ARHGAP29: variants seen among roughly 807,000 people sequenced by gnomAD.
The protein encoded by ARHGAP29 is Rho GTPase activating protein 29.
ARHGAP29 carries 43 observed loss-of-function variants against 122.6 expected under a neutral mutation model. That is an observed-to-expected ratio of 0.35 (90% CI 0.27 to 0.45). The LOEUF (loss-of-function observed/expected upper bound fraction) is 0.45, where lower values mean the gene tolerates loss of function less well. Among genes scored for constraint, ARHGAP29 ranks in the 20% least tolerant of loss-of-function variants. The pLI is 1.00. For missense variants in ARHGAP29, 1,303 were observed against 1,477.2 expected (o/e 0.88, Z 1.93); for synonymous variants, 506 against 497.1 (o/e 1.02, Z -0.24).
intron 1 of ARHGAP29, among the ~76,000 whole-genome samples, chr1:94,261,154 C>T (rs1654544091): frequency 6.6e-6 from 1 of 152,190 alleles, no homozygotes; most frequent in Non-Finnish European, 1.5e-5. Flanking sequence ...TCTTAGACAT[C>T]AACACTTGGA....
In ARHGAP29 at chr1:94,174,402, A is replaced by C. The variant is rs769786846; in HGVS notation, c.3253T>G (p.Tyr1085Asp). 1 of 1,614,158 alleles carries C rather than the reference A, an allele frequency of 6.2e-7. No individual in the cohort carries two copies. Among genetic ancestry groups the C allele is most frequent in the East Asian group, 2.2e-5 (1 of 44,878 alleles). Residue 1085 changes from tyrosine to aspartate, a missense_variant, in exon 23 of 23, where the codon TAT becomes GAT. By Grantham distance (160) the Tyr-to-Asp change is radical. Transcript: ENST00000260526. ...QTLQKIQDKQ[Y>D]EQNSLTAKTT... ...TTGGCAGTTAGGCTGTTTTGTTCAT[A>C]CTGTTTGTCCTGAATTTTCTGTAGA... is the stretch of plus-strand genomic sequence containing the variant.
In ARHGAP29 at chr1:94,177,675, T is replaced by A. The variant is rs181149109; in HGVS notation, c.2842A>T (p.Thr948Ser). 2.5e-6 allele frequency: 4 copies of A among 1,613,764 alleles called. No homozygotes were observed. The East Asian group carries it at 8.9e-5, about 36-fold the overall frequency. The change falls in exon 22 of 23, where the codon ACA (threonine) becomes TCA (serine). Residue 948 changes from threonine (T) to serine (S), a missense_variant. Coordinates refer to ENST00000260526, the MANE Select transcript of ARHGAP29 (RefSeq NM_004815.4). ...ESESKIFERA[T>S]SFEESERKQN... ...TTGCGTTCTGATTCCTCAAATGATG[T>A]AGCTCGTTCAAAAATTTTGCTTTCA...
At chr1:94,306,649 C>T in the ARHGAP29 span, among the ~76,000 whole-genome samples, 1 of 152,140 alleles carries the variant, frequency 6.6e-6, no homozygotes, top group Middle Eastern at 3.2e-3. Context: ...GATGTCATAA[C>T]CTGAAAATAA....
chr1:94,300,594 C>A, the ARHGAP29 span, among the ~76,000 whole-genome samples: 1 of 152,318 alleles, frequency 6.6e-6, no homozygotes, highest in Admixed American at 6.5e-5. Context: ...TCTCTATTAT[C>A]TTCATAGAAT....
the ARHGAP29 span, among the ~76,000 whole-genome samples, chr1:94,301,613 G>C: frequency 1.3e-5 from 2 of 152,130 alleles, no homozygotes; most frequent in Non-Finnish European, 2.9e-5. Flanking sequence ...GGTGGCCAGG[G>C]GGGATGAGGG....
rs567185734 is a variant in ARHGAP29, at chr1:94,169,428, G to T, written c.*4441C>A. ...GAGACAGCAGCTGGCATGTCAAGAG[G>T]TTGAGGGAGGGAGGAAGAATGAACA... On this transcript the variant is annotated 3_prime_UTR_variant, in exon 23 of 23. Coordinates refer to ENST00000260526, the MANE Select transcript of ARHGAP29 (RefSeq NM_004815.4). Among the ~76,000 whole-genome samples, 3 of 152,170 alleles carry T rather than the reference G, an allele frequency of 2.0e-5. No homozygotes were observed. The highest frequency in any genetic ancestry group is 6.5e-5 in the Admixed American group (1 of 15,274).
rs557621375 is a variant in ARHGAP29, at chr1:94,211,074, C to T, written c.341-1724G>A. On this transcript the variant is annotated intron_variant, in intron 3 of 22. Coordinates refer to ENST00000260526, the MANE Select transcript of ARHGAP29 (RefSeq NM_004815.4). The stretch of plus-strand genomic sequence containing the variant: ...CCGAGGTGGACAGATTGTCTGAGCT[C>T]AGAAGTTCAAGACCAGCCTGGGCAA... Among the ~76,000 whole-genome samples, 7 of 151,928 alleles carry T rather than the reference C, an allele frequency of 4.6e-5. No individual in the cohort carries two copies. In the East Asian group the frequency reaches 9.7e-4, roughly 21 times the overall value.
intron 1 of ARHGAP29, chr1:94,249,354 T>C (rs1484814651): frequency 2.0e-5 from 3 of 152,246 alleles, no homozygotes; most frequent in East Asian, 3.8e-4. Flanking sequence ...ATAATTACAG[T>C]ATATATTAAC....
chr1:94,231,384 A>G (rs199648839), intron 2 of ARHGAP29, 23 bp downstream of exon 2: 1 of 1,590,738 alleles, frequency 6.3e-7, no homozygotes, highest in Non-Finnish European at 8.6e-7. Flanking sequence ...TCCAGCAAGA[A>G]TGCTAATAGA....
intron 5 of ARHGAP29, 85 bp from the exon 6 acceptor site, chr1:94,205,768 C>G: frequency 1.7e-6 from 2 of 1,159,526 alleles, no homozygotes; most frequent in Admixed American, 1.8e-5. Context: ...ATTTGTTACT[C>G]TGACATAATT....
chr1:94,223,677 C>T (rs999148472), intron 2 of ARHGAP29, among the ~76,000 whole-genome samples: 3 of 151,694 alleles, frequency 2.0e-5, no homozygotes, highest in Non-Finnish European at 2.9e-5. Flanking sequence ...CAACATAATA[C>T]TTTATGCACT....
At position 94,188,888 on chromosome 1, in the gene ARHGAP29, T is replaced by C. The variant is rs993042870; in HGVS notation, c.1630A>G (p.Thr544Ala). The C allele has an allele frequency of 7.4e-6, 12 of 1,613,118 alleles. No homozygotes were observed. The highest frequency in any genetic ancestry group is 9.3e-6 in the Non-Finnish European group (11 of 1,179,390). Residue 544 changes from threonine to alanine, a missense_variant, in exon 15 of 23, where the codon ACT (threonine) becomes GCT (alanine). Coordinates refer to ENST00000260526, the MANE Select transcript of ARHGAP29 (RefSeq NM_004815.4). ...TFGMFSDSES[T>A]GGSSESRSLD... Reference sequence around the variant, plus strand: ...GATCTAGATTCGCTGCTCCCTCCAGTGCTCTCAGAATCACTAAACATCCCA... The same window carrying C: ...GATCTAGATTCGCTGCTCCCTCCAGCGCTCTCAGAATCACTAAACATCCCA...
intron 12 of ARHGAP29, chr1:94,194,109 T>C (rs1417310936): frequency 2.0e-5 from 3 of 152,206 alleles, no homozygotes; most frequent in African/African-American, 7.2e-5. Flanking sequence ...TAAATATAGA[T>C]AAGTGTGCAA....
At position 94,251,053 on chromosome 1, in the gene ARHGAP29, C is replaced by T. The variant is rs80286903; in HGVS notation, c.-32-19410G>A. 5.6e-3 allele frequency among the ~76,000 whole-genome samples: 847 copies of T among 152,196 alleles called. 3 individuals carry two copies. Among genetic ancestry groups the T allele is most frequent in the African/African-American group, 0.015 (616 of 41,520 alleles). On this transcript the variant is annotated intron_variant and NMD_transcript_variant, in intron 1 of 25. Transcript: ENST00000552844. ...ATAACTAGCCATTTATACTTTACTC[C>T]GTGCTAGTAAACTATAAATGTCTAG...
At chr1:94,192,431 A>C (rs1650180838) in intron 12 of ARHGAP29, 1 of 152,234 alleles carries the variant, frequency 6.6e-6, no homozygotes, top group African/African-American at 2.4e-5. Context: ...CCCAAGGAAC[A>C]AAAGCGGGGA....
At chr1:94,285,946 C>T in the ARHGAP29 span, among the ~76,000 whole-genome samples, 1 of 150,100 alleles carries the variant, frequency 6.7e-6, no homozygotes, top group Admixed American at 6.6e-5. Flanking sequence ...GAAAGGCAAG[C>T]ACACAGAGAC....
Position 94,202,947 on chromosome 1 carries a change from C to G in ARHGAP29, c.925G>C (p.Glu309Gln). The change falls in exon 10 of 23, where the codon GAG becomes CAG. Residue 309 changes from glutamate to glutamine, a missense_variant. Glu to Gln is a conservative substitution (Grantham distance 29). This residue lies in a region of ARHGAP29 where 592 missense variants were observed against 648.2 expected (regional missense o/e 0.91). Coordinates refer to ENST00000260526, the MANE Select transcript of ARHGAP29 (RefSeq NM_004815.4). The part of the protein sequence containing the change: ...EMEKQRKEIK[E>Q]LWKQEQNKML... ...TTATTTTGCTCCTGTTTCCAAAGCT[C>G]TTTTATTTCTTTCCTTTGTTTTTCC... 6.2e-7 allele frequency: 1 copy of G among 1,609,194 alleles called. No homozygotes were observed.
the ARHGAP29 span, among the ~76,000 whole-genome samples, chr1:94,298,781 A>C: frequency 6.6e-6 from 1 of 152,256 alleles, no homozygotes; most frequent in Admixed American, 6.5e-5. Flanking sequence ...ATGGTTTCAC[A>C]TGCTTAATCT....
intron 3 of ARHGAP29, among the ~76,000 whole-genome samples, chr1:94,213,433 C>A (rs567443087): frequency 3.9e-5 from 6 of 152,286 alleles, no homozygotes; most frequent in South Asian, 2.1e-4. Context: ...CTGCCCGCCT[C>A]GGCCTGCCAA....
Sources: allele counts gnomAD v4.1 joint callset (sites outside exome capture counted in the v4.1 genomes callset), GRCh38; gene constraint gnomAD v4.1.1; regional missense constraint gnomAD v4.1.1; transcripts MANE v1.5; gene names NCBI Gene and HGNC (gene_info 2026-07-23, HGNC 2026-07-21).